The following ZNF676 variants were observed in gnomAD, a reference collection of about 807,000 sequenced individuals.
ZNF676 encodes zinc finger protein 676.
Under a neutral mutation model 6.0 loss-of-function variants are expected in ZNF676, and 4 were observed. The ratio of observed to expected loss-of-function variants is 0.67; its 90% CI spans 0.33 to 1.53. The LOEUF (loss-of-function observed/expected upper bound fraction) is 1.53. Among genes scored for constraint, ZNF676 ranks in the 40% most tolerant of loss-of-function variants. ZNF676 has a pLI of 0.06. For missense variants in ZNF676, 644 were observed against 679.7 expected, an observed-to-expected ratio of 0.95 and a Z score of 0.58; for synonymous variants, 198 against 223.1, an observed-to-expected ratio of 0.89 and a Z score of 1.00.
chr19:22,197,221 C>T (rs2023976594), upstream of ZNF676, among the ~76,000 whole-genome samples: 2 of 151,400 alleles, frequency 1.3e-5, no homozygotes, highest in Admixed American at 6.6e-5. Context: ...ACTCGGGAGG[C>T]TGAGGCAGGA....
chr19:22,235,020 GA>G, the ZNF676 span, among the ~76,000 whole-genome samples: 1 of 56,666 alleles, frequency 1.8e-5, no homozygotes, highest in African/African-American at 7.5e-5. Context: ...AAGAAAGAAA[GA>G]AAGAAAGAAA....
the ZNF676 span, among the ~76,000 whole-genome samples, chr19:22,228,952 G>A: frequency 1.3e-5 from 2 of 152,174 alleles, no homozygotes; most frequent in Admixed American, 1.3e-4. Context: ...TAGACCCAAT[G>A]CCATCCCCAT....
At chr19:22,210,655 T>C (rs2024119399) in intron 1 of ZNF676, among the ~76,000 whole-genome samples, 1 of 152,212 alleles carries the variant, frequency 6.6e-6, no homozygotes, top group Non-Finnish European at 1.5e-5. Flanking sequence ...CTTCCCATTG[T>C]GACTTAGATG....
chr19:22,186,778 G>A (rs1454349276), intron 2 of ZNF676, among the ~76,000 whole-genome samples: 8 of 152,164 alleles, frequency 5.3e-5, no homozygotes, highest in African/African-American at 1.4e-4. Flanking sequence ...GATCAAAAGA[G>A]ACAAAGATGG....
In ZNF676 at chr19:22,215,576, GC is replaced by G. The variant is rs1346262665; in HGVS notation, c.3+55del. ...TTGAGTCCCGCCACAGCCACTTCCCGCCGGTTCCAACCAGCCCAGGCCACTC... is the reference window on the plus strand; with the variant it reads ...TTGAGTCCCGCCACAGCCACTTCCCGCGGTTCCAACCAGCCCAGGCCACTC... On this transcript the variant is annotated intron_variant, in intron 1 of 3. Coordinates refer to the ZNF676 transcript ENST00000650058. 15 of 1,597,328 alleles carry G rather than the reference GC, an allele frequency of 9.4e-6. No homozygotes were observed. The African/African-American group carries it at 1.1e-4, about 11-fold the overall frequency.
chr19:22,247,107 C>T, the ZNF676 span, among the ~76,000 whole-genome samples: 1 of 152,124 alleles, frequency 6.6e-6, no homozygotes, highest in Non-Finnish European at 1.5e-5. Context: ...AATTAGCCAA[C>T]TTTGGGTAAC....
rs139886786 is a variant in ZNF676 at position 22,193,443 on chromosome 19, G to A, written c.35-332C>T. Reference sequence around the variant, plus strand: ...ATGGGTTCGTCAAAAAGGTCTTAAAGGAGACCCTTCTGTGTTTTCTGCTTG... The same window carrying A: ...ATGGGTTCGTCAAAAAGGTCTTAAAAGAGACCCTTCTGTGTTTTCTGCTTG... On this transcript the variant is annotated intron_variant, in intron 1 of 2. Transcript: ENST00000397121. Among the ~76,000 whole-genome samples the A allele has an allele frequency of 5.7e-3, 864 of 152,208 alleles. 9 individuals are homozygous for A. Among genetic ancestry groups the A allele is most frequent in the African/African-American group, 0.019 (782 of 41,530 alleles).
At chr19:22,207,770 T>C (rs2024090341) in intron 1 of ZNF676, among the ~76,000 whole-genome samples, 2 of 152,066 alleles carry the variant, frequency 1.3e-5, no homozygotes, top group Non-Finnish European at 2.9e-5. Flanking sequence ...TGCAACAGAA[T>C]AGGGAGCCCA....
At chr19:22,252,785 C>A in the ZNF676 span, among the ~76,000 whole-genome samples, 1 of 152,192 alleles carries the variant, frequency 6.6e-6, no homozygotes, top group African/African-American at 2.4e-5. Context: ...AAAGTTGTCT[C>A]TATGGGCAGA....
chr19:22,205,703 A>T (rs2144804381), intron 1 of ZNF676, among the ~76,000 whole-genome samples: 1 of 152,264 alleles, frequency 6.6e-6, no homozygotes, highest in East Asian at 1.9e-4. Flanking sequence ...CAGATCAAAA[A>T]GTTAGAAAGA....
upstream of ZNF676, among the ~76,000 whole-genome samples, chr19:22,200,415 A>G (rs758617212): frequency 3.3e-5 from 5 of 151,222 alleles, no homozygotes; most frequent in Non-Finnish European, 5.9e-5. Flanking sequence ...TTGCACATCT[A>G]TTTATTGTAC....
At chr19:22,231,215 A>G in the ZNF676 span, among the ~76,000 whole-genome samples, 1 of 152,034 alleles carries the variant, frequency 6.6e-6, no homozygotes, top group African/African-American at 2.4e-5. Flanking sequence ...CACAAAAAAA[A>G]ATCTGTATAG....
the ZNF676 span, among the ~76,000 whole-genome samples, chr19:22,248,995 G>A: frequency 6.6e-6 from 1 of 152,196 alleles, no homozygotes; most frequent in Non-Finnish European, 1.5e-5. Context: ...CTCCCAAAGT[G>A]CTGGGATTAC....
chr19:22,225,277 G>A, the ZNF676 span, among the ~76,000 whole-genome samples: 1 of 152,076 alleles, frequency 6.6e-6, no homozygotes, highest in African/African-American at 2.4e-5. Flanking sequence ...ATCTTAAAAT[G>A]TGACAAAATT....
chr19:22,211,632 G>A (rs913714569), intron 1 of ZNF676, among the ~76,000 whole-genome samples: 1 of 151,942 alleles, frequency 6.6e-6, no homozygotes, highest in African/African-American at 2.4e-5. Context: ...AACACTTCTA[G>A]GAGGTACCTA....
At chr19:22,238,365 A>G in the ZNF676 span, among the ~76,000 whole-genome samples, 161 of 152,246 alleles carry the variant, frequency 1.1e-3, no homozygotes, top group African/African-American at 3.1e-3. Context: ...AAAGGTATGT[A>G]TAGAGTCACT....
chr19:22,197,780 CAG>C (rs2023983492), upstream of ZNF676, among the ~76,000 whole-genome samples: 1 of 152,084 alleles, frequency 6.6e-6, no homozygotes, highest in Non-Finnish European at 1.5e-5. Context: ...AAAAATGTGT[CAG>C]AGAGCTTATC....
intron 1 of ZNF676, among the ~76,000 whole-genome samples, chr19:22,193,776 CCAAA>C (rs1476309166): frequency 1.3e-5 from 2 of 152,092 alleles, no homozygotes; most frequent in African/African-American, 4.8e-5. Flanking sequence ...GAGGCCTGAT[CCAAA>C]CAATCTGCAA....
In ZNF676 at chr19:22,179,306, C is replaced by G. The variant is rs2023693215; in HGVS notation, c.*644G>C. On this transcript the variant is annotated 3_prime_UTR_variant, in exon 3 of 3. Transcript: ENST00000397121. Reference sequence around the variant, plus strand: ...TAGAGTCTCTCATGTATGAATTAGCCTATGTTTCTTAAGAATTGAGGATCT... The same window carrying G: ...TAGAGTCTCTCATGTATGAATTAGCGTATGTTTCTTAAGAATTGAGGATCT... 5.4e-6 allele frequency: 1 copy of G among 183,938 alleles called. No individual in the cohort carries two copies. The highest frequency in any genetic ancestry group is 1.2e-5 in the Non-Finnish European group (1 of 85,946). The allele number at this position is 183,938 out of a possible 1,614,324, so 11.4% of individuals were successfully genotyped here. A position where few individuals can be genotyped will look rare whatever the true frequency, so the allele number is the denominator to read the frequency against.
Sources: gnomAD v4.1 joint callset for allele counts (sites outside exome capture counted in the v4.1 genomes callset) on GRCh38, gnomAD v4.1.1 for gene constraint, MANE v1.5 for transcripts, NCBI Gene and HGNC (gene_info 2026-07-23, HGNC 2026-07-21) for gene names.